The following ACTR3C variants were observed in gnomAD, a reference collection of about 807,000 sequenced individuals.
ACTR3C encodes actin related protein 3C.
ACTR3C carries 18 observed loss-of-function variants against 26.3 expected under a neutral mutation model. The observed-to-expected ratio is 0.68, with a 90% CI of 0.47 to 1.01. The LOEUF (loss-of-function observed/expected upper bound fraction) is 1.01, where lower values mean the gene tolerates loss of function less well. ACTR3C is among the 50% of genes least tolerant of loss of function. ACTR3C has a pLI of 0.00. For missense variants in ACTR3C, 184 were observed against 250.7 expected, an observed-to-expected ratio of 0.73 and a Z score of 1.80; for synonymous variants, 55 against 94.5, an observed-to-expected ratio of 0.58 and a Z score of 2.42.
chr7:149,999,504 T>C, the ACTR3C span, among the ~76,000 whole-genome samples: 16 of 150,796 alleles, frequency 1.1e-4, no homozygotes, highest in African/African-American at 3.6e-4. Context: ...TCTTCTTTCA[T>C]GGGATGGGCC....
chr7:150,323,258 C>A (rs749535653), intron 1 of ACTR3C: 25 of 246,846 alleles, frequency 1.0e-4, no homozygotes, highest in Non-Finnish European at 1.9e-4. Flanking sequence ...CGCGCGAAGA[C>A]CCCCGCAGGC....
At chr7:150,024,002 C>T in the ACTR3C span, among the ~76,000 whole-genome samples, 3 of 149,332 alleles carry the variant, frequency 2.0e-5, no homozygotes, top group East Asian at 3.9e-4. Flanking sequence ...AGAAGGCAGA[C>T]CAGGAGTTCC....
chr7:150,113,793 TCA>T, the ACTR3C span, among the ~76,000 whole-genome samples: 1 of 152,352 alleles, frequency 6.6e-6, no homozygotes, highest in East Asian at 1.9e-4. Flanking sequence ...ATGAAACAAT[TCA>T]AACCAAACCA....
chr7:150,323,507 C>T lies in ACTR3C; in HGVS notation c.-90G>A, dbSNP rs1278071310. ...GCCGGCTCTGCGGTGCGGAGTTGCG[C>T]CGGACTTCCCAGCTTGGCCAGTGGC... On this transcript the variant is annotated 5_prime_UTR_variant, in exon 1 of 8. Coordinates refer to ENST00000683684, the MANE Select transcript of ACTR3C (RefSeq NM_001164458.2). The T allele has an allele frequency of 4.6e-6, 2 of 434,638 alleles. No homozygotes were observed. Among genetic ancestry groups the T allele is most frequent in the South Asian group, 3.2e-5 (2 of 62,736 alleles). The allele number at this position is 434,638 out of a possible 1,614,324, so 26.9% of individuals were successfully genotyped here.
the ACTR3C span, among the ~76,000 whole-genome samples, chr7:150,209,906 G>A: frequency 9.9e-5 from 14 of 141,506 alleles, no homozygotes; most frequent in South Asian, 6.8e-4. Flanking sequence ...GTGACAGAGC[G>A]AGACTGGGTC....
At chr7:150,037,106 AG>A in the ACTR3C span, among the ~76,000 whole-genome samples, 1 of 57,020 alleles carries the variant, frequency 1.8e-5, no homozygotes, top group African/African-American at 5.9e-5. Flanking sequence ...CCTAAGAGCC[AG>A]GGGGGGAAGA....
chr7:150,222,425 C>T, the ACTR3C span, among the ~76,000 whole-genome samples: 2 of 152,216 alleles, frequency 1.3e-5, no homozygotes, highest in Non-Finnish European at 2.9e-5. Flanking sequence ...GCAGGTGCTT[C>T]GCATAGTAGT....
the ACTR3C span, among the ~76,000 whole-genome samples, chr7:150,141,396 C>T: frequency 2.0e-5 from 3 of 152,036 alleles, no homozygotes; most frequent in Admixed American, 6.5e-5. Context: ...CACAGGTGAG[C>T]GCCAGGACAC....
chr7:149,894,746 G>A, the ACTR3C span, among the ~76,000 whole-genome samples: 2 of 151,970 alleles, frequency 1.3e-5, no homozygotes, highest in Non-Finnish European at 1.5e-5. Flanking sequence ...ATAAGTGTTG[G>A]TGATGGTGTG....
chr7:150,083,467 T>C, the ACTR3C span, among the ~76,000 whole-genome samples: 3 of 152,090 alleles, frequency 2.0e-5, no homozygotes, highest in Non-Finnish European at 4.4e-5. Flanking sequence ...CTCGGTAGGC[T>C]GAGGCAGGAG....
chr7:149,941,531 C>T, the ACTR3C span, among the ~76,000 whole-genome samples: 278 of 152,300 alleles, frequency 1.8e-3, 3 homozygotes, highest in African/African-American at 6.4e-3. Context: ...CTTGTTTAAC[C>T]CCTTAGCTCC....
rs148488444 is a variant in ACTR3C at position 150,291,727 on chromosome 7, G to C, written c.153+1585C>G. ...GGGGTGCAGGCCAGGGGCCTACGGG[G>C]GCCTCATCTTGGATCTCAGCAGCGC... On this transcript the variant is annotated intron_variant, in intron 3 of 7. Transcript: ENST00000683684. 3.0e-3 allele frequency among the ~76,000 whole-genome samples: 457 copies of C among 151,854 alleles called. 2 individuals are homozygous for C. Among genetic ancestry groups the C allele is most frequent in the Middle Eastern group, 0.017 (5 of 292 alleles).
At chr7:149,953,521 A>G in the ACTR3C span, among the ~76,000 whole-genome samples, 1 of 151,804 alleles carries the variant, frequency 6.6e-6, no homozygotes, top group Admixed American at 6.6e-5. Flanking sequence ...AGACTTTCAA[A>G]TCTACTGCAG....
chr7:150,285,348 GATA>G lies in ACTR3C; in HGVS notation c.472-506_472-504del, dbSNP rs1397801234. 8.3e-4 allele frequency among the ~76,000 whole-genome samples: 126 copies of G among 152,338 alleles called. 1 individual carries two copies. Among genetic ancestry groups the G allele is most frequent in the Middle Eastern group, 3.4e-3 (1 of 294 alleles). On this transcript the variant is annotated intron_variant, in intron 5 of 7. Coordinates refer to ENST00000683684, the MANE Select transcript of ACTR3C (RefSeq NM_001164458.2). Reference sequence around the variant, plus strand: ...TTGTTTAACATGAAACAATCCACATGATAATCATGTTATTGAATAAACAGCCAT... The same window carrying G: ...TTGTTTAACATGAAACAATCCACATGATCATGTTATTGAATAAACAGCCAT...
the ACTR3C span, among the ~76,000 whole-genome samples, chr7:150,038,206 G>T: frequency 9.0e-5 from 13 of 144,140 alleles, no homozygotes; most frequent in East Asian, 1.6e-3. Context: ...TTTGCTTCTT[G>T]TACTAGCAGG....
intron 6 of ACTR3C, among the ~76,000 whole-genome samples, chr7:150,277,803 C>T (rs142402411): frequency 6.6e-5 from 10 of 152,312 alleles, no homozygotes; most frequent in Non-Finnish European, 1.2e-4. Context: ...TGTCCTGCCT[C>T]TGCGTGGTTC....
At chr7:150,041,867 C>G in the ACTR3C span, among the ~76,000 whole-genome samples, 2 of 135,324 alleles carry the variant, frequency 1.5e-5, no homozygotes, top group Non-Finnish European at 3.1e-5. Context: ...TCCCCACTCT[C>G]GTGAGGGTTG....
At chr7:150,254,697 A>G (rs1833087233) in intron 6 of ACTR3C, among the ~76,000 whole-genome samples, 1 of 152,024 alleles carries the variant, frequency 6.6e-6, no homozygotes, top group Admixed American at 6.6e-5. Flanking sequence ...ACATACACCC[A>G]TCATTTCAGT....
At chr7:150,062,892 G>A in the ACTR3C span, among the ~76,000 whole-genome samples, 1 of 152,190 alleles carries the variant, frequency 6.6e-6, no homozygotes, top group Admixed American at 6.5e-5. Context: ...CTTCCATCCA[G>A]AGGAAGCTTA....
Sources: allele counts gnomAD v4.1 joint callset (sites outside exome capture counted in the v4.1 genomes callset), GRCh38; gene constraint gnomAD v4.1.1; transcripts MANE v1.5; gene names NCBI Gene and HGNC (gene_info 2026-07-23, HGNC 2026-07-21).